The following COA6 variants were observed in gnomAD, a reference collection of about 807,000 sequenced individuals.
COA6 encodes the protein cytochrome c oxidase assembly factor 6 homolog.
A neutral mutation model predicts 17.1 loss-of-function variants in COA6; 12 were observed. The ratio of observed to expected loss-of-function variants is 0.70; its 90% CI spans 0.45 to 1.14. COA6 has a LOEUF of 1.14. Ranked by LOEUF, COA6 falls within the 50% of genes most tolerant of loss-of-function variation. The pLI, the probability that COA6 is intolerant of heterozygous loss-of-function variation, is 0.00. For missense variants in COA6, 246 were observed against 196.5 expected (o/e 1.25, Z -1.51); for synonymous variants, 90 against 73.4 (o/e 1.23, Z -1.16).
chr1:234,379,396 ATGAGGATAAGATATAAGCTTTGATCC>A (rs1181244911), intron 2 of COA6, among the ~76,000 whole-genome samples: 1 of 152,112 alleles, frequency 6.6e-6, no homozygotes, highest in Non-Finnish European at 1.5e-5. Flanking sequence ...TCTGTTTGTT[ATGAGGATAAGATATAAGCTTTGATCC>A]TGGGAGTAAG....
intron 2 of COA6, among the ~76,000 whole-genome samples, chr1:234,383,176 A>T (rs1017175247): frequency 6.6e-6 from 1 of 152,110 alleles, no homozygotes; most frequent in African/African-American, 2.4e-5. Context: ...CTCGCCAGCA[A>T]GCCTGACCTG....
intron 2 of COA6, among the ~76,000 whole-genome samples, chr1:234,377,133 T>TTTTTTTTG (rs60899682): frequency 4.3e-5 from 3 of 69,546 alleles, no homozygotes; most frequent in African/African-American, 9.2e-5. Context: ...TTTTGTTTTT[T>TTTTTTTTG]TTGTTGTTGT....
At chr1:234,377,798 C>T (rs912239899) in intron 2 of COA6, among the ~76,000 whole-genome samples, 2 of 152,198 alleles carry the variant, frequency 1.3e-5, no homozygotes, top group African/African-American at 2.4e-5. Context: ...GCGGGGAGTG[C>T]GTGCATGGGT....
At chr1:234,375,936 C>T (rs542137849) in intron 2 of COA6, among the ~76,000 whole-genome samples, 3 of 152,306 alleles carry the variant, frequency 2.0e-5, no homozygotes, top group Non-Finnish European at 2.9e-5. Flanking sequence ...GATTAACAGG[C>T]GTGAGTCACC....
intron 2 of COA6, among the ~76,000 whole-genome samples, chr1:234,377,994 A>G (rs1658860098): frequency 6.6e-6 from 1 of 152,230 alleles, no homozygotes; most frequent in African/African-American, 2.4e-5. Context: ...AAGGAGAGGA[A>G]TGACCGTGTT....
intron 2 of COA6, among the ~76,000 whole-genome samples, 190 bp from the exon 3 acceptor site, chr1:234,383,533 A>T (rs1659040705): frequency 6.6e-6 from 1 of 150,576 alleles, no homozygotes; most frequent in African/African-American, 2.5e-5. Context: ...CTTAAAGTAT[A>T]ATAAAAAAAA....
At chr1:234,374,122 T>TTTTTTTTTTTG in intron 1 of COA6, 108 bp from the exon 2 acceptor site, 1 of 1,177,024 alleles carries the variant, frequency 8.5e-7, no homozygotes, top group Non-Finnish European at 1.2e-6. Flanking sequence ...GTTTTTTTTT[T>TTTTTTTTTTTG]TTTTTTTAGT....
At chr1:234,380,193 C>T (rs1174602093) in intron 2 of COA6, among the ~76,000 whole-genome samples, 1 of 152,136 alleles carries the variant, frequency 6.6e-6, no homozygotes, top group Non-Finnish European at 1.5e-5. Context: ...CAAGTATTAC[C>T]TTGTCAAAGT....
chr1:234,378,827 T>G (rs1658882125), intron 2 of COA6, among the ~76,000 whole-genome samples: 1 of 151,704 alleles, frequency 6.6e-6, no homozygotes, highest in African/African-American at 2.4e-5. Flanking sequence ...AAGCTGAGAT[T>G]ATGCCACTGC....
chr1:234,373,483 G>A lies in COA6; in HGVS notation c.17G>A (p.Gly6Asp). Residue 6 changes from glycine (G) to aspartate (D), a missense_variant, in exon 1 of 3, where the codon GGT becomes GAT. Physicochemically the swap from Gly to Asp is moderately conservative, Grantham distance 94. Transcript: ENST00000366615. Reference protein sequence around the residue: MVARKGQKSPRFRRVS... With the variant: MVARKDQKSPRFRRVS... ...GGAAAGTAAATGGTAGCTCGGAAGG[G>A]TCAAAAGAGTCCGCGGTTTCGCCGC... 6.4e-7 allele frequency: 1 copy of A among 1,570,324 alleles called. No individual in the cohort carries two copies. The highest frequency in any genetic ancestry group is 1.2e-5 in the South Asian group (1 of 86,534).
intron 2 of COA6, among the ~76,000 whole-genome samples, chr1:234,379,072 T>A (rs1658891374): frequency 6.7e-6 from 1 of 149,970 alleles, no homozygotes; most frequent in African/African-American, 2.5e-5. Context: ...AGTGGTGTGA[T>A]CTTTGCCATG....
chr1:234,380,530 A>G (rs1047424284), intron 2 of COA6, among the ~76,000 whole-genome samples: 1 of 152,256 alleles, frequency 6.6e-6, no homozygotes, highest in African/African-American at 2.4e-5. Context: ...CACGAAATAA[A>G]GATAAAAAAT....
At chr1:234,378,861 ACT>A (rs1658883545) in intron 2 of COA6, among the ~76,000 whole-genome samples, 1 of 150,502 alleles carries the variant, frequency 6.6e-6, no homozygotes, top group Non-Finnish European at 1.5e-5. Flanking sequence ...TGAGTACAAG[ACT>A]CTGGTTTTTT....
At chr1:234,381,241 C>T (rs907666825) in intron 2 of COA6, among the ~76,000 whole-genome samples, 1 of 152,178 alleles carries the variant, frequency 6.6e-6, no homozygotes, top group Non-Finnish European at 1.5e-5. Context: ...AGAGACCACT[C>T]GCATATGTGT....
At chr1:234,379,572 AATG>A (rs1479249011) in intron 2 of COA6, among the ~76,000 whole-genome samples, 1 of 152,072 alleles carries the variant, frequency 6.6e-6, no homozygotes, top group Non-Finnish European at 1.5e-5. Flanking sequence ...TGTTGGAAAA[AATG>A]ATGGTGTATT....
Position 234,379,005 on chromosome 1 carries a change from T to A in COA6, c.372+4616T>A, listed in dbSNP as rs964024907. On this transcript the variant is annotated intron_variant, in intron 2 of 2. Transcript: ENST00000366615. ...GGAGGCCAGGGAGGTACTTTTTTAA[T>A]TTTTTTTTTTTTTTTTTTTTCCAGA... Among the ~76,000 whole-genome samples, 737 of 130,204 alleles carry A rather than the reference T, an allele frequency of 5.7e-3. 4 individuals carry two copies. The highest frequency in any genetic ancestry group is 0.021 in the African/African-American group (699 of 33,080). 85.4% of individuals were successfully genotyped at this position (130,204 alleles called of 152,430 possible). A position where few individuals can be genotyped will look rare whatever the true frequency, so the allele number is the denominator to read the frequency against.
intron 2 of COA6, among the ~76,000 whole-genome samples, chr1:234,383,497 G>A (rs1276658530): frequency 2.0e-5 from 3 of 150,928 alleles, no homozygotes; most frequent in Non-Finnish European, 2.9e-5. Context: ...TAACTAACCT[G>A]CACGTTGTGC....
chr1:234,383,757 A>C lies in COA6; in HGVS notation c.407A>C (p.Lys136Thr), dbSNP rs753433947. 1.9e-6 allele frequency: 3 copies of C among 1,557,152 alleles called. No homozygotes were observed. In the South Asian group the frequency reaches 3.4e-5, roughly 18 times the overall value. ...TTTGATAAAAGAAGAGACTACTTAA[A>C]ATTCAAAGAAAAATTTGAAGCAGGA... is the stretch of plus-strand genomic sequence containing the variant. Reference protein sequence around the residue: ...KYFDKRRDYLKFKEKFEAGQF... With the variant: ...KYFDKRRDYLTFKEKFEAGQF... Residue 136 changes from lysine to threonine, a missense_variant, in exon 3 of 3, where the codon AAA becomes ACA. Transcript: ENST00000366615.
Position 234,373,622 on chromosome 1 carries a change from CG to C in COA6, c.157del (p.Val53Ter), listed in dbSNP as rs1319014377. The C allele has an allele frequency of 6.2e-7, 1 of 1,613,074 alleles. No homozygotes were observed. Among genetic ancestry groups the C allele is most frequent in the South Asian group, 1.1e-5 (1 of 91,018 alleles). ...CCCTCCACCGCCGGTTGGTGGCCTG[CG>C]TGACAGTTTCCTCCCGTCGACATCG... The part of the protein sequence containing the change: ...RALHRRLVAC[V>X]TVSSRRHRKE... On this transcript the variant is annotated frameshift_variant, in exon 1 of 3. Coordinates refer to ENST00000366615, the MANE Select transcript of COA6 (RefSeq NM_001206641.3). LOFTEE classifies it high-confidence loss of function.
Sources: gnomAD v4.1 joint callset for allele counts (sites outside exome capture counted in the v4.1 genomes callset) on GRCh38, gnomAD v4.1.1 for gene constraint, MANE v1.5 for transcripts, NCBI Gene and HGNC (gene_info 2026-07-23, HGNC 2026-07-21) for gene names.